Variants in PCBP3 observed in about 807,000 individuals in gnomAD.
PCBP3 encodes the protein poly(rC)-binding protein 3.
A neutral mutation model predicts 52.7 loss-of-function variants in PCBP3; 25 were observed. The observed-to-expected ratio is 0.47, with a 90% CI of 0.35 to 0.66. The LOEUF is 0.66. Ranked by LOEUF, PCBP3 falls within the 30% of genes least tolerant of loss-of-function variation. The pLI, the probability that PCBP3 is intolerant of heterozygous loss-of-function variation, is 0.01. For synonymous variants in PCBP3, 162 were observed against 183.0 expected, an observed-to-expected ratio of 0.89 and a Z score of 0.93; for missense variants, 391 against 490.3, an observed-to-expected ratio of 0.80 and a Z score of 1.91.
At chr21:45,845,601 G>A (rs555302032) in intron 4 of PCBP3, among the ~76,000 whole-genome samples, 24 of 149,368 alleles carry the variant, frequency 1.6e-4, no homozygotes, top group East Asian at 4.0e-4. Context: ...TGCCTTTGCC[G>A]TGTGTATGCA....
At chr21:45,746,089 T>TTG (rs1414058311) in intron 3 of PCBP3, among the ~76,000 whole-genome samples, 2 of 113,404 alleles carry the variant, frequency 1.8e-5, no homozygotes, top group Admixed American at 9.0e-5. Context: ...GCACACGGTG[T>TTG]TGTCAGCATC....
chr21:45,679,136 T>C (rs917474476), intron 2 of PCBP3, among the ~76,000 whole-genome samples: 4 of 151,928 alleles, frequency 2.6e-5, no homozygotes, highest in African/African-American at 9.7e-5. Flanking sequence ...CTTTGTTGTT[T>C]TTTTGAGATG....
chr21:45,740,139 C>G (rs1457266330), intron 3 of PCBP3, among the ~76,000 whole-genome samples: 1 of 152,210 alleles, frequency 6.6e-6, no homozygotes, highest in Non-Finnish European at 1.5e-5. Flanking sequence ...AGTTGCTTCT[C>G]TGCCCCATCC....
intron 11 of PCBP3, among the ~76,000 whole-genome samples, chr21:45,911,497 C>G (rs567935601): frequency 6.6e-6 from 1 of 152,102 alleles, no homozygotes; most frequent in South Asian, 2.1e-4. Context: ...GGTCAAAACT[C>G]GGGAAAACAT....
intron 4 of PCBP3, among the ~76,000 whole-genome samples, chr21:45,833,094 TCTGTGGGCAG>T (rs1482127866): frequency 6.6e-6 from 1 of 152,202 alleles, no homozygotes; most frequent in Non-Finnish European, 1.5e-5. Flanking sequence ...AGCGAGGCTC[TCTGTGGGCAG>T]CTGTGGGCAC....
intron 9 of PCBP3, 122 bp downstream of exon 9, chr21:45,901,235 A>G (rs2096027294): frequency 1.4e-6 from 1 of 725,322 alleles, no homozygotes; most frequent in African/African-American, 1.7e-5. Flanking sequence ...AGGCAACCCC[A>G]TAACTACGCT....
At chr21:45,861,984 C>G (rs1186888682) in intron 5 of PCBP3, among the ~76,000 whole-genome samples, 1 of 152,198 alleles carries the variant, frequency 6.6e-6, no homozygotes, top group Non-Finnish European at 1.5e-5. Context: ...CTGTCTGAGA[C>G]AGCACCTTGA....
rs75669412 is a variant in PCBP3, at chr21:45,928,125, G to A, written c.718-1792G>A. 2.0e-3 allele frequency among the ~76,000 whole-genome samples: 309 copies of A among 152,256 alleles called. 2 individuals are homozygous for A. The highest frequency in any genetic ancestry group is 3.0e-3 in the Non-Finnish European group (206 of 68,014). Reference sequence around the variant, plus strand: ...GCGCCTTCACTAGGACCCCAGATGCGCCTGCTTCCTCCTCCTGCCCCCGCA... The same window carrying A: ...GCGCCTTCACTAGGACCCCAGATGCACCTGCTTCCTCCTCCTGCCCCCGCA... On this transcript the variant is annotated intron_variant, in intron 13 of 17. Coordinates refer to ENST00000681687, the MANE Select transcript of PCBP3 (RefSeq NM_001384156.1). The surrounding 1 kb of genome is among the most constrained non-coding windows in gnomAD (Gnocchi z 4.1).
chr21:45,711,887 A>G (rs1310058864), intron 2 of PCBP3, among the ~76,000 whole-genome samples: 3 of 152,216 alleles, frequency 2.0e-5, no homozygotes, highest in Non-Finnish European at 1.5e-5. Flanking sequence ...AGTATCATAC[A>G]GGGTAGTTTC....
chr21:45,869,733 A>G (rs1473701960), intron 5 of PCBP3, among the ~76,000 whole-genome samples: 1 of 151,926 alleles, frequency 6.6e-6, no homozygotes, highest in Non-Finnish European at 1.5e-5. Context: ...GGGGAGTGTG[A>G]CCCCAGGGCC....
intron 2 of PCBP3, among the ~76,000 whole-genome samples, chr21:45,695,220 T>G (rs2082698091): frequency 6.6e-6 from 1 of 152,232 alleles, no homozygotes; most frequent in African/African-American, 2.4e-5. Context: ...TTGTTGAAAT[T>G]GGTGCTGGAC....
chr21:45,885,485 C>T (rs567377114), intron 5 of PCBP3, among the ~76,000 whole-genome samples: 3 of 152,120 alleles, frequency 2.0e-5, no homozygotes, highest in African/African-American at 7.2e-5. Context: ...TTATCCCCAT[C>T]CCCTTTGTTC....
chr21:45,652,131 A>G (rs1219445371), intron 1 of PCBP3, among the ~76,000 whole-genome samples: 1 of 152,240 alleles, frequency 6.6e-6, no homozygotes. Context: ...CACTGAGACA[A>G]ATAAAGCCTT....
Position 45,794,743 on chromosome 21 carries a change from C to A in PCBP3, c.-126+39291C>A, listed in dbSNP as rs58510980. ...AGGAGTTCGAGACCAGCCTGGCTAA[C>A]ACAGTGAAACCCCATCTCTACTAAA... On this transcript the variant is annotated intron_variant, in intron 4 of 17. Transcript: ENST00000681687. Among the ~76,000 whole-genome samples, 761 of 152,230 alleles carry A rather than the reference C, an allele frequency of 5.0e-3. 12 individuals are homozygous for A. The highest frequency in any genetic ancestry group is 0.018 in the African/African-American group (732 of 41,536).
chr21:45,682,748 A>G (rs1177355064), intron 2 of PCBP3, among the ~76,000 whole-genome samples: 1 of 152,094 alleles, frequency 6.6e-6, no homozygotes, highest in East Asian at 1.9e-4. Flanking sequence ...GCTAGGGGGA[A>G]CAGAAGGATG....
At chr21:45,683,919 A>G (rs2147611184) in intron 2 of PCBP3, among the ~76,000 whole-genome samples, 1 of 151,794 alleles carries the variant, frequency 6.6e-6, no homozygotes, top group East Asian at 1.9e-4. Flanking sequence ...GCGAGACTCC[A>G]TCTCAAAAAA....
chr21:45,851,055 T>A (rs193145178), intron 5 of PCBP3, among the ~76,000 whole-genome samples: 1 of 152,150 alleles, frequency 6.6e-6, no homozygotes, highest in East Asian at 1.9e-4. Context: ...AAACACGTGT[T>A]AAGAAACATG....
chr21:45,878,823 C>T (rs188562816), intron 5 of PCBP3, among the ~76,000 whole-genome samples: 13 of 152,230 alleles, frequency 8.5e-5, no homozygotes, highest in Admixed American at 7.8e-4. Flanking sequence ...CTCAGCCTCT[C>T]CAGCTGGGAA....
intron 5 of PCBP3, chr21:45,893,980 G>A (rs2095754425): frequency 2.0e-6 from 2 of 985,486 alleles, no homozygotes; most frequent in Non-Finnish European, 1.2e-6. Flanking sequence ...CGCAGAGGTG[G>A]CAGCAAGGCC....
Sources: allele counts gnomAD v4.1 joint callset (sites outside exome capture counted in the v4.1 genomes callset), GRCh38; gene constraint gnomAD v4.1.1; non-coding constraint Gnocchi (gnomAD v3.1); transcripts MANE v1.5; gene names NCBI Gene and HGNC (gene_info 2026-07-23, HGNC 2026-07-21).